RGS4: variants seen among roughly 807,000 people sequenced by gnomAD.
RGS4 encodes regulator of G protein signaling 4.
RGS4 carries 15 observed loss-of-function variants against 21.6 expected under a neutral mutation model. The ratio of observed to expected loss-of-function variants is 0.69; its 90% CI spans 0.46 to 1.07. The LOEUF (loss-of-function observed/expected upper bound fraction) is 1.07, where lower values mean the gene tolerates loss of function less well. Among genes scored for constraint, RGS4 ranks in the 50% least tolerant of loss-of-function variants. The probability of loss-of-function intolerance (pLI) is 0.00; values close to 1 mark genes in which losing one functional copy is unlikely to be tolerated. For synonymous variants in RGS4, 94 were observed against 85.5 expected (o/e 1.10, Z -0.55); for missense variants, 237 against 239.0 (o/e 0.99, Z 0.06).
At chr1:163,070,423 C>A (rs988062112) in intron 1 of RGS4, 5 of 152,102 alleles carry the variant, frequency 3.3e-5, no homozygotes, top group Admixed American at 1.3e-4. Context: ...TATCGCACTG[C>A]AAATAGAAAT....
chr1:163,071,919 C>T, intron 1 of RGS4: 1 of 960,312 alleles, frequency 1.0e-6, no homozygotes. Flanking sequence ...TCCCGAGGTG[C>T]TTCTACAGTT....
At chr1:163,073,110 G>C (rs894133976) in intron 3 of RGS4, among the ~76,000 whole-genome samples, 2 of 152,116 alleles carry the variant, frequency 1.3e-5, no homozygotes, top group African/African-American at 2.4e-5. Context: ...AAACGGAAGA[G>C]AGAAAAAAAA....
Position 163,072,095 on chromosome 1 carries a change from T to C in RGS4, c.45-300T>C, listed in dbSNP as rs186905716. On this transcript the variant is annotated intron_variant, in intron 1 of 4. Coordinates refer to ENST00000367909, the MANE Select transcript of RGS4 (RefSeq NM_005613.6). ...GGTTCTGTTGAAGATACCAAAGATA[T>C]TCGGTTGGTCAAAATGACGGGCATA... 3.4e-4 allele frequency: 371 copies of C among 1,079,592 alleles called. 2 individuals carry two copies. In the Admixed American group the frequency reaches 0.016, roughly 47 times the overall value. The allele number at this position is 1,079,592 out of a possible 1,614,324, so 66.9% of individuals were successfully genotyped here.
chr1:163,074,801 G>A lies in RGS4; in HGVS notation c.*241G>A, dbSNP rs985063382. On this transcript the variant is annotated 3_prime_UTR_variant, in exon 5 of 5. Transcript: ENST00000367909. The stretch of plus-strand genomic sequence containing the variant: ...TCCTAAGTTTCTTTGAGGGTTCCAT[G>A]GGAGCAAATATCTAAATAATGGCCT... 19 of 632,132 alleles carry A rather than the reference G, an allele frequency of 3.0e-5. No individual in the cohort carries two copies. The highest frequency in any genetic ancestry group is 1.5e-4 in the Admixed American group (6 of 38,876). The allele number at this position is 632,132 out of a possible 1,614,324, so 39.2% of individuals were successfully genotyped here.
chr1:163,071,774 C>T (rs1471517778), intron 1 of RGS4: 1 of 149,536 alleles, frequency 6.7e-6, no homozygotes, highest in African/African-American at 2.5e-5. Flanking sequence ...TTTGTTTTCG[C>T]CATCCCATGC....
chr1:163,072,785 T>A lies in RGS4; in HGVS notation c.150-20T>A. 6.2e-7 allele frequency: 1 copy of A among 1,606,728 alleles called. No homozygotes were observed. Among genetic ancestry groups the A allele is most frequent in the Non-Finnish European group, 8.5e-7 (1 of 1,174,740 alleles). Reference sequence around the variant, plus strand: ...TTACCATGGCATTCCAATTATTCTGTTTCTCTCTATTTTTTCTAGAGTGAG... The same window carrying A: ...TTACCATGGCATTCCAATTATTCTGATTCTCTCTATTTTTTCTAGAGTGAG... On this transcript the variant is annotated intron_variant, in intron 2 of 4. Transcript: ENST00000367909.
Position 163,072,445 on chromosome 1 carries a change from C to T in RGS4, c.95C>T (p.Ser32Phe), listed in dbSNP as rs1166740406. 1 of 1,613,218 alleles carries T rather than the reference C, an allele frequency of 6.2e-7. No homozygotes were observed. Among genetic ancestry groups the T allele is most frequent in the Admixed American group, 1.7e-5 (1 of 59,916 alleles). ...GGTTTCCTGCTGCAAAAATCTGATT[C>T]CTGTGAACACAATTCTTCCCACAAC... Reference protein sequence around the residue: ...RLGFLLQKSDSCEHNSSHNKK... With the variant: ...RLGFLLQKSDFCEHNSSHNKK... The change falls in exon 2 of 5, where the codon TCC (serine) becomes TTC (phenylalanine). Residue 32 changes from serine to phenylalanine, a missense_variant. By Grantham distance (155) the Ser-to-Phe change is radical (BLOSUM62 -2). Coordinates refer to ENST00000367909, the MANE Select transcript of RGS4 (RefSeq NM_005613.6).
chr1:163,069,805 C>T (rs1039682608), intron 1 of RGS4, among the ~76,000 whole-genome samples: 4 of 152,046 alleles, frequency 2.6e-5, no homozygotes, highest in Non-Finnish European at 5.9e-5. Flanking sequence ...AATTAAGAAG[C>T]GAGATGAGGT....
intron 1 of RGS4, among the ~76,000 whole-genome samples, chr1:163,071,524 A>G (rs891628570): frequency 6.6e-6 from 1 of 152,140 alleles, no homozygotes; most frequent in East Asian, 1.9e-4. Context: ...CTTAAGGCTT[A>G]TTAAAAGACC....
In RGS4 at chr1:163,076,381, C is replaced by G. The variant is rs1024264223; in HGVS notation, c.*1821C>G. Reference sequence around the variant, plus strand: ...TTCTTGTCTCTCTGGCAATCTTGCCCTTAATATCCCTGGAGTTCCTCATCA... The same window carrying G: ...TTCTTGTCTCTCTGGCAATCTTGCCGTTAATATCCCTGGAGTTCCTCATCA... On this transcript the variant is annotated 3_prime_UTR_variant, in exon 5 of 5. Transcript: ENST00000367909. 1.3e-5 allele frequency: 2 copies of G among 152,582 alleles called. No individual in the cohort carries two copies. Among genetic ancestry groups the G allele is most frequent in the African/African-American group, 4.8e-5 (2 of 41,434 alleles). The allele number at this position is 152,582 out of a possible 1,614,324, so 9.5% of individuals were successfully genotyped here. A position where few individuals can be genotyped will look rare whatever the true frequency, so the allele number is the denominator to read the frequency against.
At chr1:163,073,308 G>A in intron 3 of RGS4, 148 bp from the exon 4 acceptor site, 1 of 592,194 alleles carries the variant, frequency 1.7e-6, no homozygotes, top group Non-Finnish European at 2.9e-6. Context: ...AGGGTTACCT[G>A]ACTCCAGGTG....
intron 1 of RGS4, among the ~76,000 whole-genome samples, chr1:163,071,150 A>T (rs142050556): frequency 6.6e-6 from 1 of 152,206 alleles, no homozygotes; most frequent in Admixed American, 6.5e-5. Context: ...CCTTGGAATC[A>T]CCCTAACATT....
At chr1:163,071,249 C>T (rs567908824) in intron 1 of RGS4, among the ~76,000 whole-genome samples, 4 of 152,024 alleles carry the variant, frequency 2.6e-5, no homozygotes, top group Non-Finnish European at 2.9e-5. Flanking sequence ...AGTAATCTTG[C>T]GAGGAAGAGA....
rs530262276 is a variant in RGS4 at position 163,072,754 on chromosome 1, A to AT, written c.150-44dup. 468 of 1,521,826 alleles carry AT rather than the reference A, an allele frequency of 3.1e-4. 4 individuals are homozygous for AT. In the African/African-American group the frequency reaches 4.3e-3, roughly 14 times the overall value. The allele number at this position is 1,521,826 out of a possible 1,614,324, so 94.3% of individuals were successfully genotyped here. A position where few individuals can be genotyped will look rare whatever the true frequency, so the allele number is the denominator to read the frequency against. ...TCAGGATCTTAGATTTCTTGCCCCA[A>AT]TTTTTTTACCATGGCATTCCAATTA... On this transcript the variant is annotated intron_variant, in intron 2 of 4. Coordinates refer to ENST00000367909, the MANE Select transcript of RGS4 (RefSeq NM_005613.6).
At chr1:163,072,105 CA>C (rs1655336674) in intron 1 of RGS4, 2 of 1,097,614 alleles carry the variant, frequency 1.8e-6, no homozygotes, top group Non-Finnish European at 2.2e-6. Context: ...TTCGGTTGGT[CA>C]AAATGACGGG....
In RGS4 at chr1:163,072,474, A is replaced by G; in HGVS notation, c.124A>G (p.Lys42Glu). Residue 42 changes from lysine (K) to glutamate (E), a missense_variant, in exon 2 of 5, where the codon AAG (lysine) becomes GAG (glutamate). Lys to Glu is a moderately conservative substitution (Grantham distance 56). Coordinates refer to ENST00000367909, the MANE Select transcript of RGS4 (RefSeq NM_005613.6). ...SCEHNSSHNK[K>E]DKVVICQRVS... ...TGAACACAATTCTTCCCACAACAAG[A>G]AGGACAAAGTGGTTATTTGCCAGAG... The G allele has an allele frequency of 6.2e-7, 1 of 1,612,878 alleles. No individual in the cohort carries two copies. The highest frequency in any genetic ancestry group is 8.5e-7 in the Non-Finnish European group (1 of 1,179,130).
chr1:163,069,234 C>A (rs1324709952), upstream of RGS4: 1 of 1,540,364 alleles, frequency 6.5e-7, no homozygotes, highest in Admixed American at 2.1e-5. Flanking sequence ...TCAGTCTTTT[C>A]TTCCTCATCT....
chr1:163,068,980 A>AGT, upstream of RGS4: 1 of 1,606,860 alleles, frequency 6.2e-7, no homozygotes, highest in East Asian at 2.2e-5. Flanking sequence ...AGGCATTGGG[A>AGT]GTCAGCTCCT....
In RGS4 at chr1:163,074,676, C is replaced by A; in HGVS notation, c.*116C>A. On this transcript the variant is annotated 3_prime_UTR_variant, in exon 5 of 5. Coordinates refer to ENST00000367909, the MANE Select transcript of RGS4 (RefSeq NM_005613.6). Reference sequence around the variant, plus strand: ...TTTATCCACATTGTAGCCTAATATTCATGCTGCCTGCCATGTGTGAGTCAC... The same window carrying A: ...TTTATCCACATTGTAGCCTAATATTAATGCTGCCTGCCATGTGTGAGTCAC... The A allele has an allele frequency of 7.0e-7, 1 of 1,427,396 alleles. No individual in the cohort carries two copies. The highest frequency in any genetic ancestry group is 9.8e-7 in the Non-Finnish European group (1 of 1,017,024). The allele number at this position is 1,427,396 out of a possible 1,614,324, so 88.4% of individuals were successfully genotyped here. A position where few individuals can be genotyped will look rare whatever the true frequency, so the allele number is the denominator to read the frequency against.
Sources: allele counts gnomAD v4.1 joint callset (sites outside exome capture counted in the v4.1 genomes callset), GRCh38; gene constraint gnomAD v4.1.1; transcripts MANE v1.5; gene names NCBI Gene and HGNC (gene_info 2026-07-23, HGNC 2026-07-21).